The following ADAM12 variants were observed in gnomAD, a reference collection of about 807,000 sequenced individuals.
ADAM12 encodes the protein disintegrin and metalloproteinase domain-containing protein 12.
A neutral mutation model predicts 106.4 loss-of-function variants in ADAM12; 70 were observed. That is an observed-to-expected ratio of 0.66 (90% CI 0.54 to 0.80). ADAM12 has a LOEUF of 0.80. Ranked by LOEUF, ADAM12 falls within the 30% of genes least tolerant of loss-of-function variation. The probability of loss-of-function intolerance (pLI) is 0.00; values close to 1 mark genes in which losing one functional copy is unlikely to be tolerated. For synonymous variants in ADAM12, 420 were observed against 433.5 expected (o/e 0.97, Z 0.39); for missense variants, 1,010 against 1,171.9 (o/e 0.86, Z 2.02).
At chr10:126,378,609 A>G (rs1372382888) in intron 1 of ADAM12, among the ~76,000 whole-genome samples, 2 of 152,218 alleles carry the variant, frequency 1.3e-5, no homozygotes, top group East Asian at 1.9e-4. Flanking sequence ...CCAACTTCAC[A>G]GTAGTATAGC....
intron 3 of ADAM12, among the ~76,000 whole-genome samples, chr10:126,224,783 C>T (rs984743288): frequency 3.3e-5 from 5 of 152,190 alleles, no homozygotes; most frequent in Non-Finnish European, 5.9e-5. Flanking sequence ...TACAAGTGAG[C>T]AGGAAGGGAC....
chr10:126,110,920 TAACTA>T (rs748793094), intron 6 of ADAM12, among the ~76,000 whole-genome samples: 10 of 152,220 alleles, frequency 6.6e-5, no homozygotes, highest in Non-Finnish European at 1.5e-4. Flanking sequence ...GTTTATGAGT[TAACTA>T]CACACACTGC....
At chr10:126,267,665 A>G (rs1959125725) in intron 3 of ADAM12, among the ~76,000 whole-genome samples, 1 of 152,130 alleles carries the variant, frequency 6.6e-6, no homozygotes, top group Non-Finnish European at 1.5e-5. Context: ...GTAAATACAG[A>G]TGAAGCTTCA....
intron 3 of ADAM12, among the ~76,000 whole-genome samples, chr10:126,227,474 T>C (rs1386143287): frequency 6.6e-6 from 1 of 152,184 alleles, no homozygotes. Flanking sequence ...GACGATCTCA[T>C]TGATGTTCAA....
At chr10:126,112,967 G>T (rs1296920940) in intron 6 of ADAM12, among the ~76,000 whole-genome samples, 1 of 152,128 alleles carries the variant, frequency 6.6e-6, no homozygotes, top group Admixed American at 6.5e-5. Context: ...CTCATATTCT[G>T]GTGGGGCCTG....
chr10:126,356,051 A>G (rs1428082428), intron 1 of ADAM12, among the ~76,000 whole-genome samples: 1 of 152,212 alleles, frequency 6.6e-6, no homozygotes, highest in Non-Finnish European at 1.5e-5. Flanking sequence ...TGCAACACCC[A>G]AAACTTCAAA....
At chr10:126,258,396 ACGCCCCACCCG>A (rs1958934860) in intron 3 of ADAM12, among the ~76,000 whole-genome samples, 2 of 82,578 alleles carry the variant, frequency 2.4e-5, no homozygotes, top group Admixed American at 2.6e-4. Flanking sequence ...CGTGCCCCAC[ACGCCCCACCCG>A]TGCCCCACAC....
chr10:126,203,688 T>C (rs1394850003), intron 3 of ADAM12, among the ~76,000 whole-genome samples: 2 of 152,322 alleles, frequency 1.3e-5, no homozygotes, highest in East Asian at 3.9e-4. Flanking sequence ...ATCAAATATC[T>C]TTTGAGGTAA....
intron 3 of ADAM12, among the ~76,000 whole-genome samples, chr10:126,170,354 G>A (rs952367835): frequency 6.6e-6 from 1 of 151,960 alleles, no homozygotes; most frequent in Non-Finnish European, 1.5e-5. Context: ...ATTGGCCCAC[G>A]GAGCAGTTCA....
intron 14 of ADAM12, among the ~76,000 whole-genome samples, chr10:126,051,512 T>G (rs907578869): frequency 0.11 from 14,534 of 137,108 alleles, 1,035 homozygotes; most frequent in Middle Eastern, 0.27. Flanking sequence ...CGTCCATCCA[T>G]CCATCCATCC....
intron 21 of ADAM12, among the ~76,000 whole-genome samples, chr10:126,034,607 T>C (rs567767894): frequency 7.2e-5 from 11 of 152,270 alleles, no homozygotes; most frequent in South Asian, 2.1e-4. Context: ...TAAACACACC[T>C]ATTAAAATAT....
intron 3 of ADAM12, among the ~76,000 whole-genome samples, chr10:126,193,723 C>G (rs1312989635): frequency 6.6e-6 from 1 of 152,026 alleles, no homozygotes; most frequent in East Asian, 1.9e-4. Context: ...ATGGCAAAAT[C>G]CCACCTCTAC....
At chr10:126,059,514 T>G (rs1442529623) in intron 14 of ADAM12, among the ~76,000 whole-genome samples, 1 of 152,236 alleles carries the variant, frequency 6.6e-6, no homozygotes, top group Non-Finnish European at 1.5e-5. Flanking sequence ...ATAAGACTTC[T>G]GGCAAAAATC....
In ADAM12 at chr10:126,068,332, A is replaced by G. The variant is rs558293814; in HGVS notation, c.1324-1526T>C. Among the ~76,000 whole-genome samples, 101 of 152,350 alleles carry G rather than the reference A, an allele frequency of 6.6e-4. 1 individual carries two copies. The highest frequency in any genetic ancestry group is 2.3e-3 in the African/African-American group (96 of 41,584). ...AAATTACAAGTTTTCTTGAAATTCC[A>G]TGTTAAATCAGCCATCCTAAATCTG... On this transcript the variant is annotated intron_variant, in intron 12 of 22. Transcript: ENST00000448723.
chr10:126,251,210 C>T lies in ADAM12; in HGVS notation c.260+27705G>A, dbSNP rs1334648701. On this transcript the variant is annotated intron_variant, in intron 3 of 22. Coordinates refer to ENST00000448723, the MANE Select transcript of ADAM12 (RefSeq NM_001288973.2). ...CAAGATCCCCAAGTGGTCTGGTCCT[C>T]GACCTTTCTGAGACCTGGTTCGTTG... 5.9e-5 allele frequency among the ~76,000 whole-genome samples: 9 copies of T among 152,330 alleles called. No homozygotes were observed. The East Asian group carries it at 7.7e-4, about 13-fold the overall frequency.
intron 2 of ADAM12, among the ~76,000 whole-genome samples, chr10:126,314,325 C>G (rs1026865441): frequency 6.6e-6 from 1 of 152,130 alleles, no homozygotes; most frequent in African/African-American, 2.4e-5. Flanking sequence ...CAGAAACCAG[C>G]TGGGGATGCT....
rs556219173 is a variant in ADAM12 at position 126,149,224 on chromosome 10, C to A, written c.339+6003G>T. 3.7e-4 allele frequency among the ~76,000 whole-genome samples: 57 copies of A among 152,302 alleles called. 1 individual carries two copies. In the South Asian group the frequency reaches 7.5e-3, roughly 20 times the overall value. ...GAGAACCCAGAAAAGCACAGAGTCC[C>A]GCACCACATGGAGACAAACACTATC... On this transcript the variant is annotated intron_variant, in intron 4 of 22. Coordinates refer to ENST00000448723, the MANE Select transcript of ADAM12 (RefSeq NM_001288973.2).
At chr10:126,094,212 A>G in intron 10 of ADAM12, 79 bp from the exon 11 acceptor site, 2 of 1,381,820 alleles carry the variant, frequency 1.4e-6, no homozygotes, top group Non-Finnish European at 9.9e-7. Context: ...CCCCACAGAA[A>G]TATACCTTTC....
intron 20 of ADAM12, 106 bp from the exon 21 acceptor site, chr10:126,036,431 G>T: frequency 9.0e-7 from 1 of 1,116,880 alleles, no homozygotes; most frequent in Non-Finnish European, 1.2e-6. Flanking sequence ...GAAGGCCAAG[G>T]TGGGGTAAAG....
Sources: allele counts gnomAD v4.1 joint callset (sites outside exome capture counted in the v4.1 genomes callset), GRCh38; gene constraint gnomAD v4.1.1; transcripts MANE v1.5; gene names NCBI Gene and HGNC (gene_info 2026-07-23, HGNC 2026-07-21).